Variants in YIPF6 observed in about 807,000 individuals in gnomAD.
The protein encoded by YIPF6 is protein YIPF6.
A neutral mutation model predicts 16.8 loss-of-function variants in YIPF6; 3 were observed. The ratio of observed to expected loss-of-function variants is 0.18; its 90% confidence interval spans 0.08 to 0.46. The LOEUF (loss-of-function observed/expected upper bound fraction) is 0.46. Among genes scored for constraint, YIPF6 ranks in the 20% least tolerant of loss-of-function variants. The pLI is 0.98. For synonymous variants in YIPF6, 67 were observed against 61.9 expected (o/e 1.08, Z -0.38); for missense variants, 145 against 184.9 (o/e 0.78, Z 1.25).
intron 6 of YIPF6, among the ~76,000 whole-genome samples, chrX:68,527,435 T>C (rs750680229): frequency 8.9e-6 from 1 of 111,848 alleles, no homozygotes; most frequent in East Asian, 2.8e-4. Context: ...CTGTATTCAT[T>C]GATTTTTTGA....
intron 6 of YIPF6, among the ~76,000 whole-genome samples, 170 bp downstream of exon 6, chrX:68,523,087 A>G (rs970086107): frequency 2.3e-4 from 25 of 108,847 alleles, no homozygotes; most frequent in African/African-American, 8.0e-4. Context: ...GGCTTATCTG[A>G]GTTGGATATC....
At chrX:68,503,446 G>T (rs759061776) in intron 1 of YIPF6, among the ~76,000 whole-genome samples, 1 of 111,714 alleles carries the variant, frequency 9.0e-6, no homozygotes, top group East Asian at 2.8e-4. Flanking sequence ...CGCCTTTCCC[G>T]CTGAGGGCTA....
intron 1 of YIPF6, among the ~76,000 whole-genome samples, chrX:68,503,967 T>A (rs746530988): frequency 8.9e-6 from 1 of 112,089 alleles, no homozygotes; most frequent in South Asian, 3.7e-4. Flanking sequence ...TATCCGCCCA[T>A]CTTGGCCTCC....
chrX:68,515,325 CAAAAAA>C (rs762002363), intron 3 of YIPF6: 1 of 59,312 alleles, frequency 1.7e-5, no homozygotes, highest in African/African-American at 6.8e-5. Context: ...GACTCCGTCT[CAAAAAA>C]AAAAAAAATA....
At chrX:68,504,364 C>T (rs1030176444) in intron 1 of YIPF6, among the ~76,000 whole-genome samples, 1 of 111,226 alleles carries the variant, frequency 9.0e-6, no homozygotes. Context: ...CCACCACTCC[C>T]GAAAGTTTGG....
intron 1 of YIPF6, among the ~76,000 whole-genome samples, chrX:68,508,591 T>C (rs1027523144): frequency 8.9e-6 from 1 of 112,098 alleles, no homozygotes; most frequent in African/African-American, 3.2e-5. Flanking sequence ...TTCTTTGGTA[T>C]TGAGGTAACT....
At chrX:68,517,942 G>A (rs1312057236) in intron 3 of YIPF6, among the ~76,000 whole-genome samples, 1 of 105,816 alleles carries the variant, frequency 9.5e-6, no homozygotes, top group Non-Finnish European at 1.9e-5. Context: ...CTCTAGCCTG[G>A]GCAACAGAGT....
At chrX:68,515,617 T>A (rs996678342) in intron 3 of YIPF6, among the ~76,000 whole-genome samples, 1 of 110,798 alleles carries the variant, frequency 9.0e-6, no homozygotes, top group African/African-American at 3.3e-5. Context: ...ATGATAACAA[T>A]GCCTTCTTCT....
rs771658469 is a variant in YIPF6, at chrX:68,511,977, C to T, written c.186C>T (p.Ile62=). Residue 62 remains isoleucine (I), a splice_region_variant and synonymous_variant, in exon 2 of 7, where the codon ATC becomes ATT. Transcript: ENST00000462683. ...STLNESVRNT[I]MRDLKAVGKK... ...TAAATGAATCTGTTCGCAATACCAT[C>T]GTAAGTTAGACTAGTTGAGAGAACT... 5.0e-6 allele frequency: 6 copies of T among 1,203,008 alleles called. No homozygotes were observed. The highest frequency in any genetic ancestry group is 3.0e-5 in the East Asian group (1 of 33,605).
intron 6 of YIPF6, among the ~76,000 whole-genome samples, chrX:68,530,664 G>A (rs1046616042): frequency 9.0e-6 from 1 of 110,657 alleles, no homozygotes; most frequent in African/African-American, 3.3e-5. Context: ...TATCTGGGCT[G>A]GAATGCACCG....
rs2079065438 is a variant in YIPF6 at position 68,507,787 on chromosome X, A to G, written c.58-4062A>G. Among the ~76,000 whole-genome samples the G allele has an allele frequency of 2.7e-5, 3 of 109,713 alleles. No individual in the cohort carries two copies. In the Admixed American group the frequency reaches 2.9e-4, roughly 11 times the overall value. ...CCAGCTAATTTTTTGTATTTTTAGTAGAGATGGGGTTTCACCATGTTGGCC... is the reference window on the plus strand; with the variant it reads ...CCAGCTAATTTTTTGTATTTTTAGTGGAGATGGGGTTTCACCATGTTGGCC... On this transcript the variant is annotated intron_variant, in intron 1 of 6. Coordinates refer to ENST00000462683, the MANE Select transcript of YIPF6 (RefSeq NM_173834.4).
chrX:68,499,977 G>T (rs376899324), intron 1 of YIPF6, among the ~76,000 whole-genome samples: 28 of 112,292 alleles, frequency 2.5e-4, no homozygotes, highest in Middle Eastern at 4.7e-3. Flanking sequence ...CTCTGCAAGG[G>T]ATAGAATTTC....
At chrX:68,517,042 A>G (rs960557939) in intron 3 of YIPF6, among the ~76,000 whole-genome samples, 8 of 111,136 alleles carry the variant, frequency 7.2e-5, no homozygotes, top group Non-Finnish European at 1.5e-4. Context: ...GGCTCATCTC[A>G]AACTCCTGAC....
Position 68,513,531 on chromosome X carries a change from A to G in YIPF6, c.265+126A>G. On this transcript the variant is annotated intron_variant, in intron 3 of 6. Transcript: ENST00000462683. ...CATTTTGTAGGATAAAAAAATATGTAAACGAATATGTAAATCAAACTTCTG... is the reference window on the plus strand; with the variant it reads ...CATTTTGTAGGATAAAAAAATATGTGAACGAATATGTAAATCAAACTTCTG... The G allele has an allele frequency of 1.4e-5, 5 of 368,642 alleles. No homozygotes were observed. In the South Asian group the frequency reaches 3.9e-4, roughly 29 times the overall value. 30.4% of individuals were successfully genotyped at this position (368,642 alleles called of 1,213,427 possible).
chrX:68,504,333 T>C (rs900589448), intron 1 of YIPF6, among the ~76,000 whole-genome samples: 4 of 111,278 alleles, frequency 3.6e-5, no homozygotes, highest in Admixed American at 1.9e-4. Flanking sequence ...GCTCACATAA[T>C]GGAACTCAAT....
intron 1 of YIPF6, among the ~76,000 whole-genome samples, chrX:68,499,370 G>T (rs1361981198): frequency 3.6e-5 from 4 of 112,018 alleles, no homozygotes; most frequent in Non-Finnish European, 7.5e-5. Flanking sequence ...ATCCTCCCAG[G>T]TCTCGTCATC....
In YIPF6 at chrX:68,534,265, T is replaced by C. The variant is rs2079182876; in HGVS notation, c.*2266T>C. Reference sequence around the variant, plus strand: ...GGACTTTGGAAACAAAAGACATTGTTCTATTTATAGCATTCTTTTTTTTTT... The same window carrying C: ...GGACTTTGGAAACAAAAGACATTGTCCTATTTATAGCATTCTTTTTTTTTT... On this transcript the variant is annotated 3_prime_UTR_variant, in exon 7 of 7. Coordinates refer to ENST00000462683, the MANE Select transcript of YIPF6 (RefSeq NM_173834.4). 8.9e-6 allele frequency: 1 copy of C among 112,143 alleles called. No homozygotes were observed. The highest frequency in any genetic ancestry group is 1.9e-5 in the Non-Finnish European group (1 of 53,239). The allele number at this position is 112,143 out of a possible 1,213,427, so 9.2% of individuals were successfully genotyped here.
At chrX:68,507,423 A>G (rs2079063904) in intron 1 of YIPF6, among the ~76,000 whole-genome samples, 1 of 110,676 alleles carries the variant, frequency 9.0e-6, no homozygotes. Flanking sequence ...TGTCTGAAAA[A>G]CGTTTTTACT....
chrX:68,535,462 G>A lies in YIPF6; in HGVS notation c.*3463G>A, dbSNP rs2079187893. 8.9e-6 allele frequency: 1 copy of A among 112,019 alleles called. No individual in the cohort carries two copies. The highest frequency in any genetic ancestry group is 1.9e-5 in the Non-Finnish European group (1 of 53,291). 9.2% of individuals were successfully genotyped at this position (112,019 alleles called of 1,213,427 possible). A position where few individuals can be genotyped will look rare whatever the true frequency, so the allele number is the denominator to read the frequency against. ...TGATTTGATAAGACATCCATTGCAT[G>A]CAGCTGTTTTAGCTCAGTGCAAAAC... On this transcript the variant is annotated 3_prime_UTR_variant, in exon 7 of 7. Transcript: ENST00000462683.
Sources: gnomAD v4.1 joint callset for allele counts (sites outside exome capture counted in the v4.1 genomes callset) on GRCh38, gnomAD v4.1.1 for gene constraint, MANE v1.5 for transcripts, NCBI Gene and HGNC (gene_info 2026-07-23, HGNC 2026-07-21) for gene names.